Variants in EML6 observed in about 807,000 individuals in gnomAD.
The protein encoded by EML6 is EMAP like 6, also known as echinoderm microtubule-associated protein-like 6.
In EML6, 154 loss-of-function variants were observed where a neutral mutation model predicts 240.1. That is an observed-to-expected ratio of 0.64 (90% CI 0.56 to 0.73). The LOEUF (loss-of-function observed/expected upper bound fraction) is 0.73, where lower values mean the gene tolerates loss of function less well. Among genes scored for constraint, EML6 ranks in the 30% least tolerant of loss-of-function variants. The pLI is 0.00. For missense variants in EML6, 2,964 were observed against 2,474.6 expected, an observed-to-expected ratio of 1.20 and a Z score of -4.20; for synonymous variants, 1,148 against 899.0, an observed-to-expected ratio of 1.28 and a Z score of -4.95.
chr2:54,737,756 C>T (rs558673106), intron 2 of EML6, among the ~76,000 whole-genome samples: 3 of 152,284 alleles, frequency 2.0e-5, no homozygotes, highest in Admixed American at 6.5e-5. Flanking sequence ...TTGAACAGGT[C>T]GTGTCAATTC....
At chr2:54,944,247 C>A (rs568746538) in intron 28 of EML6, among the ~76,000 whole-genome samples, 2 of 152,244 alleles carry the variant, frequency 1.3e-5, no homozygotes, top group African/African-American at 4.8e-5. Flanking sequence ...GCTCAACGTG[C>A]CAAAATTGAA....
intron 2 of EML6, among the ~76,000 whole-genome samples, chr2:54,768,809 T>C (rs1668292607): frequency 6.6e-6 from 1 of 152,174 alleles, no homozygotes; most frequent in Admixed American, 6.5e-5. Flanking sequence ...ATATAAATTT[T>C]CTACTCAAAG....
intron 5 of EML6, among the ~76,000 whole-genome samples, chr2:54,822,140 G>A (rs1293603013): frequency 1.3e-5 from 2 of 151,978 alleles, no homozygotes; most frequent in Non-Finnish European, 2.9e-5. Context: ...AAACACTGTT[G>A]GCCAATAGAC....
In EML6 at chr2:54,963,885, C is replaced by T. The variant is rs771975972; in HGVS notation, c.5158-101C>T. 854 of 1,088,040 alleles carry T rather than the reference C, an allele frequency of 7.8e-4. 2 individuals are homozygous for T. Among genetic ancestry groups the T allele is most frequent in the Non-Finnish European group, 1.0e-3 (794 of 778,448 alleles). 67.4% of individuals were successfully genotyped at this position (1,088,040 alleles called of 1,614,324 possible). On this transcript the variant is annotated intron_variant, in intron 36 of 41. Coordinates refer to ENST00000356458, the MANE Select transcript of EML6 (RefSeq NM_001039753.4). ...CAAGAGATTTGGTGGCCTGCAGTGG[C>T]TGCGAGGGCAGCCTGACTTCTCTGG...
intron 2 of EML6, among the ~76,000 whole-genome samples, chr2:54,726,933 A>T (rs777549141): frequency 2.0e-5 from 3 of 152,218 alleles, no homozygotes; most frequent in Non-Finnish European, 2.9e-5. Context: ...CAGTTCACTG[A>T]ACTACTTTGT....
chr2:54,880,669 T>C (rs1280161981), intron 17 of EML6: 2 of 152,236 alleles, frequency 1.3e-5, no homozygotes, highest in African/African-American at 4.8e-5. Flanking sequence ...AAGTGGTTTT[T>C]CTTCTGGTCT....
intron 27 of EML6, 49 bp from the exon 28 acceptor site, chr2:54,928,576 T>A: frequency 1.3e-6 from 2 of 1,551,796 alleles, no homozygotes; most frequent in Non-Finnish European, 1.7e-6. Flanking sequence ...CCTCCCTTCC[T>A]GGGCCACTGC....
chr2:54,845,976 C>T (rs1165088406), intron 8 of EML6, among the ~76,000 whole-genome samples: 1 of 152,218 alleles, frequency 6.6e-6, no homozygotes, highest in Admixed American at 6.5e-5. Flanking sequence ...TTGCACCCAA[C>T]ATGTAAAGCC....
intron 2 of EML6, among the ~76,000 whole-genome samples, chr2:54,803,450 G>T (rs375217290): frequency 1.3e-5 from 2 of 152,036 alleles, no homozygotes; most frequent in African/African-American, 2.4e-5. Context: ...TCATACCTTC[G>T]TCAAGCCACC....
intron 4 of EML6, 40 bp downstream of exon 4, chr2:54,816,925 T>G (rs900810780): frequency 1.8e-5 from 23 of 1,278,174 alleles, no homozygotes; most frequent in African/African-American, 8.9e-5. Flanking sequence ...ATTTCAGAAC[T>G]TGGGGGGACT....
chr2:54,890,527 G>A (rs1049501415), intron 17 of EML6, among the ~76,000 whole-genome samples: 2 of 152,102 alleles, frequency 1.3e-5, no homozygotes. Flanking sequence ...ATCAATAGAA[G>A]ACATCCTTTC....
intron 17 of EML6, among the ~76,000 whole-genome samples, chr2:54,887,825 T>A (rs1672233659): frequency 6.6e-6 from 1 of 152,156 alleles, no homozygotes; most frequent in African/African-American, 2.4e-5. Context: ...TCCCATTACC[T>A]CCTGCCTCCT....
At chr2:54,771,908 T>C (rs1206879956) in intron 2 of EML6, among the ~76,000 whole-genome samples, 2 of 152,216 alleles carry the variant, frequency 1.3e-5, no homozygotes, top group Non-Finnish European at 2.9e-5. Context: ...AGATTTGTAA[T>C]AAAAAATGGG....
chr2:54,780,760 A>G (rs1216920870), intron 2 of EML6, among the ~76,000 whole-genome samples: 1 of 152,260 alleles, frequency 6.6e-6, no homozygotes, highest in Non-Finnish European at 1.5e-5. Flanking sequence ...GAAACATAGT[A>G]AAAGGATAAT....
intron 12 of EML6, among the ~76,000 whole-genome samples, chr2:54,860,612 T>C (rs1224048744): frequency 1.3e-5 from 2 of 152,168 alleles, no homozygotes; most frequent in East Asian, 3.9e-4. Context: ...TGTCCACACA[T>C]TGAGCTCCCC....
chr2:54,849,637 T>C (rs867170558), intron 9 of EML6, among the ~76,000 whole-genome samples: 12 of 152,252 alleles, frequency 7.9e-5, no homozygotes, highest in Middle Eastern at 3.4e-3. Flanking sequence ...TACAGGCGCC[T>C]GCCACCACGG....
Position 54,895,299 on chromosome 2 carries a change from A to T in EML6, c.2881A>T (p.Ile961Phe). 6.4e-7 allele frequency: 1 copy of T among 1,551,814 alleles called. No individual in the cohort carries two copies. Among genetic ancestry groups the T allele is most frequent in the South Asian group, 1.2e-5 (1 of 84,056 alleles). Reference protein sequence around the residue: ...KGLLLEDNPSIRAITLGHGHI... With the variant: ...KGLLLEDNPSFRAITLGHGHI... ...CTTGCTTTTGGAAGATAACCCTTCA[A>T]TTCGTGCCATCACTTTGGGACATGG... The change falls in exon 21 of 42, where the codon ATT becomes TTT. Residue 961 changes from isoleucine (I) to phenylalanine (F), a missense_variant. Ile to Phe is a conservative substitution (Grantham distance 21). Transcript: ENST00000356458.
intron 2 of EML6, among the ~76,000 whole-genome samples, chr2:54,760,023 A>C (rs1667910389): frequency 6.6e-6 from 1 of 151,854 alleles, no homozygotes; most frequent in African/African-American, 2.4e-5. Context: ...ATTCTGGGCC[A>C]TTACTCTGAT....
intron 7 of EML6, among the ~76,000 whole-genome samples, chr2:54,839,247 C>G (rs946968006): frequency 6.6e-6 from 1 of 152,190 alleles, no homozygotes; most frequent in Non-Finnish European, 1.5e-5. Context: ...CTTTACCACT[C>G]TTGCATGCAG....
Sources: gnomAD v4.1 joint callset for allele counts (sites outside exome capture counted in the v4.1 genomes callset) on GRCh38, gnomAD v4.1.1 for gene constraint, MANE v1.5 for transcripts, NCBI Gene and HGNC (gene_info 2026-07-23, HGNC 2026-07-21) for gene names.